The following BRD7 variants were observed in gnomAD, a reference collection of about 807,000 sequenced individuals.
BRD7 encodes bromodomain-containing protein 7.
A neutral mutation model predicts 82.1 loss-of-function variants in BRD7; 15 were observed. The ratio of observed to expected loss-of-function variants is 0.18; its 90% CI spans 0.12 to 0.28. BRD7 has a LOEUF of 0.28. Among genes scored for constraint, BRD7 ranks in the 10% least tolerant of loss-of-function variants. BRD7 has a pLI of 1.00. For missense variants in BRD7, 638 were observed against 779.9 expected (o/e 0.82, Z 2.17); for synonymous variants, 232 against 266.9 (o/e 0.87, Z 1.27).
At chr16:50,326,026 G>T in intron 10 of BRD7, 143 bp from the exon 11 acceptor site, 2 of 918,526 alleles carry the variant, frequency 2.2e-6, no homozygotes, top group Non-Finnish European at 3.2e-6. Context: ...CTCTCAAACA[G>T]GTACTTGTAA....
rs1282181778 is a variant in BRD7 at position 50,317,760 on chromosome 16, TGACA to T, written c.*1447_*1450del. The T allele has an allele frequency of 6.6e-6, 1 of 152,394 alleles. No individual in the cohort carries two copies. The highest frequency in any genetic ancestry group is 2.4e-5 in the African/African-American group (1 of 41,472). The allele number at this position is 152,394 out of a possible 1,614,324, so 9.4% of individuals were successfully genotyped here. On this transcript the variant is annotated 3_prime_UTR_variant, in exon 17 of 17. Transcript: ENST00000394688. The stretch of plus-strand genomic sequence containing the variant: ...TAATTACTGGTGTCATTTTGTTTTA[TGACA>T]GACACACGTATCTAACAAACAAACA...
At chr16:50,368,329 C>T in intron 1 of BRD7, 31 bp from the exon 2 acceptor site, 1 of 1,604,026 alleles carries the variant, frequency 6.2e-7, no homozygotes. Flanking sequence ...GAAAGGAAAG[C>T]GCGTCGATTA....
At chr16:50,330,579 T>C (rs1162144782) in intron 8 of BRD7, among the ~76,000 whole-genome samples, 1 of 152,188 alleles carries the variant, frequency 6.6e-6, no homozygotes, top group East Asian at 1.9e-4. Context: ...AACTGGCAAA[T>C]GAAGAATCTT....
intron 5 of BRD7, among the ~76,000 whole-genome samples, chr16:50,345,923 T>C (rs956608838): frequency 7.2e-5 from 11 of 152,210 alleles, no homozygotes; most frequent in African/African-American, 1.4e-4. Flanking sequence ...GCAGACCTAA[T>C]AGACATCTAC....
chr16:50,354,724 C>T, intron 3 of BRD7, 69 bp downstream of exon 3: 4 of 1,543,076 alleles, frequency 2.6e-6, no homozygotes, highest in Non-Finnish European at 3.5e-6. Flanking sequence ...GCTAAAACCC[C>T]ACCATTTTCC....
Position 50,316,728 on chromosome 16 carries a change from T to C in BRD7, c.*2483A>G, listed in dbSNP as rs1265149065. On this transcript the variant is annotated 3_prime_UTR_variant, in exon 17 of 17. Coordinates refer to ENST00000394688, the MANE Select transcript of BRD7 (RefSeq NM_013263.5). ...TACTGTGCTTCAACTTCCCAAGGAA[T>C]TGAAAGTCAACCTAACTGTAACAAC... 2 of 152,308 alleles carry C rather than the reference T, an allele frequency of 1.3e-5. No homozygotes were observed. Among genetic ancestry groups the C allele is most frequent in the Admixed American group, 6.5e-5 (1 of 15,272 alleles). The allele number at this position is 152,308 out of a possible 1,614,324, so 9.4% of individuals were successfully genotyped here. A position where few individuals can be genotyped will look rare whatever the true frequency, so the allele number is the denominator to read the frequency against.
At chr16:50,349,489 T>C (rs1185927333) in intron 5 of BRD7, 6 of 466,694 alleles carry the variant, frequency 1.3e-5, no homozygotes, top group South Asian at 7.8e-5. Flanking sequence ...TGTGAAGACG[T>C]GCTTGCTTCC....
At chr16:50,359,477 C>T (rs964596153) in intron 2 of BRD7, among the ~76,000 whole-genome samples, 1 of 152,132 alleles carries the variant, frequency 6.6e-6, no homozygotes, top group Non-Finnish European at 1.5e-5. Context: ...ATAAAAGAGG[C>T]TTTACTGTGT....
In BRD7 at chr16:50,319,922, G is replaced by A. The variant is rs750355136; in HGVS notation, c.1865C>T (p.Pro622Leu). ...RKAMGISIPS[P>L]VMENNFVDLT... ...ATCCACAAAGTTGTTTTCCATGACG[G>A]GGGAAGGAATGGAAATCCCCATTGC... Residue 622 changes from proline to leucine, a missense_variant, in exon 16 of 17, where the codon CCC becomes CTC. Coordinates refer to ENST00000394688, the MANE Select transcript of BRD7 (RefSeq NM_013263.5). 18 of 1,612,206 alleles carry A rather than the reference G, an allele frequency of 1.1e-5. No individual in the cohort carries two copies. The African/African-American group carries it at 1.2e-4, about 11-fold the overall frequency.
chr16:50,360,300 C>G (rs1465470852), intron 2 of BRD7, among the ~76,000 whole-genome samples: 1 of 152,196 alleles, frequency 6.6e-6, no homozygotes, highest in African/African-American at 2.4e-5. Flanking sequence ...CAGCTAAAGT[C>G]CTTAGTAATA....
intron 7 of BRD7, 35 bp downstream of exon 7, chr16:50,334,676 G>T (rs1167774159): frequency 1.9e-6 from 3 of 1,604,032 alleles, no homozygotes; most frequent in Non-Finnish European, 2.6e-6. Flanking sequence ...GCTTGAAGAA[G>T]ACAGTTTGAC....
rs575733433 is a variant in BRD7, at chr16:50,361,536, C to T, written c.258+6554G>A. 4.6e-5 allele frequency among the ~76,000 whole-genome samples: 7 copies of T among 152,288 alleles called. No individual in the cohort carries two copies. The South Asian group carries it at 6.2e-4, about 14-fold the overall frequency. ...TTTCAATAAAGGAATTGAGACCACT[C>T]GTCTGAGCTATTTCAATAAAAAGCT... On this transcript the variant is annotated intron_variant, in intron 2 of 16. Coordinates refer to ENST00000394688, the MANE Select transcript of BRD7 (RefSeq NM_013263.5).
intron 2 of BRD7, 148 bp from the exon 3 acceptor site, chr16:50,355,070 A>G: frequency 1.0e-6 from 1 of 983,634 alleles, no homozygotes; most frequent in Non-Finnish European, 1.5e-6. Flanking sequence ...TCTACTGGAA[A>G]AGGAGAGAAT....
intron 3 of BRD7, 59 bp from the exon 4 acceptor site, chr16:50,354,541 T>C: frequency 7.2e-7 from 1 of 1,384,910 alleles, no homozygotes; most frequent in South Asian, 1.2e-5. Context: ...GAGAGTATTA[T>C]TTACTAGATC....
intron 15 of BRD7, 63 bp downstream of exon 15, chr16:50,320,185 T>C (rs1353051527): frequency 2.1e-5 from 33 of 1,563,710 alleles, no homozygotes; most frequent in Middle Eastern, 1.8e-4. Flanking sequence ...ATCACCACTG[T>C]ACTCAAGAAG....
At chr16:50,347,298 A>G (rs1199323524) in intron 5 of BRD7, among the ~76,000 whole-genome samples, 1 of 152,246 alleles carries the variant, frequency 6.6e-6, no homozygotes, top group Non-Finnish European at 1.5e-5. Flanking sequence ...AACCACAGCC[A>G]ATATCATACC....
At chr16:50,341,928 TCACACACACACA>T (rs375793137) in intron 5 of BRD7, among the ~76,000 whole-genome samples, 75 of 143,660 alleles carry the variant, frequency 5.2e-4, no homozygotes, top group African/African-American at 1.5e-3. Context: ...TGCACACTTT[TCACACACACACA>T]CACACACACA....
At chr16:50,319,554 C>T (rs935020546) in intron 16 of BRD7, among the ~76,000 whole-genome samples, 8 of 152,068 alleles carry the variant, frequency 5.3e-5, no homozygotes, top group Non-Finnish European at 1.0e-4. Context: ...ATGGGTTCCA[C>T]ATCTGCAGAT....
intron 2 of BRD7, among the ~76,000 whole-genome samples, chr16:50,362,082 G>A (rs1215982291): frequency 4.6e-5 from 7 of 152,156 alleles, no homozygotes; most frequent in African/African-American, 1.7e-4. Flanking sequence ...AGGGCATATA[G>A]TTGACCCCAT....
Sources: gnomAD v4.1 joint callset for allele counts (sites outside exome capture counted in the v4.1 genomes callset) on GRCh38, gnomAD v4.1.1 for gene constraint, MANE v1.5 for transcripts, NCBI Gene and HGNC (gene_info 2026-07-23, HGNC 2026-07-21) for gene names.